Variants in TYW1B observed in about 807,000 individuals in gnomAD.
TYW1B encodes S-adenosyl-L-methionine-dependent tRNA 4-demethylwyosine synthase TYW1B.
A neutral mutation model predicts 86.9 loss-of-function variants in TYW1B; 73 were observed. The ratio of observed to expected loss-of-function variants is 0.84; its 90% CI spans 0.70 to 1.02. TYW1B has a LOEUF of 1.02. Ranked by LOEUF, TYW1B falls within the 50% of genes least tolerant of loss-of-function variation. The pLI is 0.00. For missense variants in TYW1B, 637 were observed against 827.4 expected (o/e 0.77, Z 2.82); for synonymous variants, 248 against 292.8 (o/e 0.85, Z 1.56).
At chr7:72,659,774 C>A (rs749558439) in intron 11 of TYW1B, among the ~76,000 whole-genome samples, 2 of 152,096 alleles carry the variant, frequency 1.3e-5, no homozygotes, top group Non-Finnish European at 2.9e-5. Context: ...AGAGCAAAAT[C>A]TTCTAAAACC....
At chr7:72,771,094 C>G (rs1445855298) in intron 7 of TYW1B, among the ~76,000 whole-genome samples, 1 of 151,330 alleles carries the variant, frequency 6.6e-6, no homozygotes, top group Non-Finnish European at 1.5e-5. Context: ...TCTCGAATAG[C>G]TGGGATTACA....
intron 11 of TYW1B, among the ~76,000 whole-genome samples, chr7:72,677,891 A>G (rs1813772861): frequency 6.6e-6 from 1 of 151,902 alleles, no homozygotes; most frequent in African/African-American, 2.4e-5. Context: ...TAGTACTGAC[A>G]GGGTTTCACC....
At chr7:72,821,996 A>C (rs1788835345) in intron 2 of TYW1B, among the ~76,000 whole-genome samples, 1 of 151,974 alleles carries the variant, frequency 6.6e-6, no homozygotes, top group Admixed American at 6.6e-5. Flanking sequence ...CTGTAATCCT[A>C]ACACTTTCAG....
chr7:72,601,051 G>A (rs148298835), intron 13 of TYW1B, among the ~76,000 whole-genome samples: 1,537 of 151,954 alleles, frequency 0.01, 28 homozygotes, highest in African/African-American at 0.035. Flanking sequence ...CAGCTACTTG[G>A]GAGGCTGAGG....
chr7:72,782,109 T>A (rs769962652), intron 6 of TYW1B, among the ~76,000 whole-genome samples: 1 of 151,820 alleles, frequency 6.6e-6, no homozygotes, highest in Non-Finnish European at 1.5e-5. Context: ...CATAGTGAGA[T>A]CCCAGCTCTA....
At chr7:72,643,500 C>A (rs1585871005) in intron 11 of TYW1B, among the ~76,000 whole-genome samples, 2 of 151,860 alleles carry the variant, frequency 1.3e-5, no homozygotes, top group South Asian at 4.2e-4. Flanking sequence ...GGCAGGAGAA[C>A]CGCTTGAACC....
rs782767508 is a variant in TYW1B, at chr7:72,744,490, C to A, written c.1076G>T (p.Cys359Phe). The change falls in exon 8 of 14, where the codon TGT (cysteine) becomes TTT (phenylalanine). Residue 359 changes from cysteine to phenylalanine, a missense_variant. Transcript: ENST00000620995. ...ACCTTTCATTTTTACTTACCACCAA[C>A]AGAAGACACATTTATTAGCACACGC... ...SLACANKCVF[C>F]WWHHNNPVGT... 6.2e-7 allele frequency: 1 copy of A among 1,613,590 alleles called. No homozygotes were observed. Among genetic ancestry groups the A allele is most frequent in the Admixed American group, 1.7e-5 (1 of 59,980 alleles).
At chr7:72,739,003 G>A (rs34024317) in intron 8 of TYW1B, among the ~76,000 whole-genome samples, 135 of 152,130 alleles carry the variant, frequency 8.9e-4, no homozygotes, top group Middle Eastern at 3.4e-3. Context: ...GGAGGATCAC[G>A]TGAGCCCATG....
At chr7:72,708,387 G>C (rs1554454039) in intron 10 of TYW1B, among the ~76,000 whole-genome samples, 1 of 152,108 alleles carries the variant, frequency 6.6e-6, no homozygotes, top group African/African-American at 2.4e-5. Flanking sequence ...TATGTGTAAG[G>C]TCAAAAGCCC....
chr7:72,673,382 A>C (rs1813656991), intron 11 of TYW1B, among the ~76,000 whole-genome samples: 1 of 152,236 alleles, frequency 6.6e-6, no homozygotes, highest in African/African-American at 2.4e-5. Context: ...GATAAAGAAA[A>C]TGTGGTATTT....
chr7:72,606,613 C>A (rs1239788936), intron 13 of TYW1B, among the ~76,000 whole-genome samples: 3 of 60,738 alleles, frequency 4.9e-5, no homozygotes, highest in Admixed American at 1.5e-4. Flanking sequence ...TAAGGCCCCC[C>A]CCCCGCCTCC....
At chr7:72,585,585 G>T (rs1482661664) in intron 13 of TYW1B, among the ~76,000 whole-genome samples, 5 of 152,146 alleles carry the variant, frequency 3.3e-5, no homozygotes, top group African/African-American at 1.2e-4. Flanking sequence ...GGACCAGGTG[G>T]GAGGTAATTG....
intron 11 of TYW1B, among the ~76,000 whole-genome samples, chr7:72,640,287 A>AAATTTTCC (rs1310377133): frequency 2.0e-5 from 3 of 152,082 alleles, no homozygotes; most frequent in Non-Finnish European, 4.4e-5. Flanking sequence ...AAAAAGATGA[A>AAATTTTCC]AATTTTCCAA....
intron 11 of TYW1B, among the ~76,000 whole-genome samples, chr7:72,684,754 G>A (rs1813965441): frequency 1.7e-5 from 1 of 57,686 alleles, no homozygotes; most frequent in South Asian, 4.6e-4. Flanking sequence ...GCATGCCTAT[G>A]TATAAGTAAA....
intron 8 of TYW1B, among the ~76,000 whole-genome samples, chr7:72,738,647 T>C (rs1230718081): frequency 6.6e-6 from 1 of 151,974 alleles, no homozygotes; most frequent in African/African-American, 2.4e-5. Context: ...CAAATCTCTG[T>C]GTGGGACAAG....
intron 11 of TYW1B, among the ~76,000 whole-genome samples, chr7:72,647,332 C>T (rs1384034689): frequency 6.6e-6 from 1 of 152,076 alleles, no homozygotes; most frequent in Non-Finnish European, 1.5e-5. Context: ...AATCTGTTGA[C>T]CTAGTAATTG....
chr7:72,670,280 C>T (rs1274531668), intron 11 of TYW1B, among the ~76,000 whole-genome samples: 1 of 152,236 alleles, frequency 6.6e-6, no homozygotes, highest in East Asian at 1.9e-4. Flanking sequence ...CAACCTCCGC[C>T]TCCAAGGTTC....
chr7:72,651,340 G>A (rs1813049760), intron 11 of TYW1B, among the ~76,000 whole-genome samples: 1 of 152,098 alleles, frequency 6.6e-6, no homozygotes, highest in Non-Finnish European at 1.5e-5. Flanking sequence ...TAGAGAGGCC[G>A]GGCACAGTGG....
Position 72,744,536 on chromosome 7 carries a change from T to C in TYW1B, c.1030A>G (p.Met344Val). The C allele has an allele frequency of 1.3e-6, 2 of 1,530,810 alleles. No homozygotes were observed. Among genetic ancestry groups the C allele is most frequent in the South Asian group, 1.1e-5 (1 of 88,218 alleles). 94.8% of individuals were successfully genotyped at this position (1,530,810 alleles called of 1,614,324 possible). Residue 344 changes from methionine to valine, a missense_variant, in exon 8 of 14, where the codon ATG (methionine) becomes GTG (valine). By Grantham distance (21) the Met-to-Val change is conservative. Transcript: ENST00000620995. The stretch of plus-strand genomic sequence containing the variant: ...CACGCCAAGCTCGGGGTGGTTTCCA[T>C]GCAGCGATGGCTCTCATTCCATAGA... Reference protein sequence around the residue: ...HILWNESHRCMETTPSLACAN... With the variant: ...HILWNESHRCVETTPSLACAN...
Sources: allele counts gnomAD v4.1 joint callset (sites outside exome capture counted in the v4.1 genomes callset), GRCh38; gene constraint gnomAD v4.1.1; transcripts MANE v1.5; gene names NCBI Gene and HGNC (gene_info 2026-07-23, HGNC 2026-07-21).